The following DGLUCY variants were observed in gnomAD, a reference collection of about 807,000 sequenced individuals.
DGLUCY encodes D-glutamate cyclase.
DGLUCY carries 58 observed loss-of-function variants against 58.5 expected under a neutral mutation model. That is an observed-to-expected ratio of 0.99 (90% CI 0.80 to 1.23). The LOEUF is 1.23. Among genes scored for constraint, DGLUCY ranks in the 50% most tolerant of loss-of-function variants. DGLUCY has a pLI of 0.00. For missense variants in DGLUCY, 779 were observed against 784.7 expected (o/e 0.99, Z 0.09); for synonymous variants, 325 against 314.1 (o/e 1.03, Z -0.37).
chr14:91,219,897 C>T (rs1392304881), intron 13 of DGLUCY, among the ~76,000 whole-genome samples: 1 of 152,154 alleles, frequency 6.6e-6, no homozygotes, highest in Non-Finnish European at 1.5e-5. Flanking sequence ...GGCAGGGTGA[C>T]AGAGCTCTGG....
rs1033562156 is a variant in DGLUCY at position 91,206,060 on chromosome 14, G to A, written c.1564+1235G>A. ...TCACCATATTGGCCAGGCTGGTCTCGAACTCCTGCCTTCAAGTGATTTGCC... is the reference window on the plus strand; with the variant it reads ...TCACCATATTGGCCAGGCTGGTCTCAAACTCCTGCCTTCAAGTGATTTGCC... On this transcript the variant is annotated intron_variant, in intron 12 of 13. Transcript: ENST00000256324. Among the ~76,000 whole-genome samples, 7 of 151,678 alleles carry A rather than the reference G, an allele frequency of 4.6e-5. 1 individual carries two copies. The highest frequency in any genetic ancestry group is 9.7e-5 in the African/African-American group (4 of 41,364).
In DGLUCY at chr14:91,170,106, T is replaced by C. The variant is rs1339927170; in HGVS notation, c.361T>C (p.Phe121Leu). Residue 121 changes from phenylalanine (F) to leucine (L), a missense_variant, in exon 5 of 14, where the codon TTC (phenylalanine) becomes CTC (leucine). Coordinates refer to ENST00000256324, the MANE Select transcript of DGLUCY (RefSeq NM_001102368.3). ...SEQLKDMVAF[F>L]LGCSFSLEEA... is the part of the protein sequence containing the mutation. Reference sequence around the variant, plus strand: ...GCAGCTGAAGGACATGGTGGCCTTCTTCCTGGGCTGCAGCTTCTCCCTGGA... The same window carrying C: ...GCAGCTGAAGGACATGGTGGCCTTCCTCCTGGGCTGCAGCTTCTCCCTGGA... The C allele has an allele frequency of 6.2e-7, 1 of 1,613,010 alleles. No individual in the cohort carries two copies. Among genetic ancestry groups the C allele is most frequent in the African/African-American group, 1.3e-5 (1 of 74,914 alleles).
rs190739477 is a variant in DGLUCY at position 91,150,414 on chromosome 14, A to T, written c.-81-7225A>T. Among the ~76,000 whole-genome samples, 209 of 151,990 alleles carry T rather than the reference A, an allele frequency of 1.4e-3. 7 individuals are homozygous for T. The highest frequency in any genetic ancestry group is 0.013 in the Admixed American group (200 of 15,232). ...ACATTGAAAAATTGTTGCTTTTCACACCAACAATTTGAAACTAAACATTTA... is the reference window on the plus strand; with the variant it reads ...ACATTGAAAAATTGTTGCTTTTCACTCCAACAATTTGAAACTAAACATTTA... On this transcript the variant is annotated intron_variant, in intron 1 of 13. Coordinates refer to ENST00000256324, the MANE Select transcript of DGLUCY (RefSeq NM_001102368.3).
chr14:91,105,240 A>G (rs976128119), upstream of DGLUCY, among the ~76,000 whole-genome samples: 7 of 152,028 alleles, frequency 4.6e-5, no homozygotes, highest in African/African-American at 1.7e-4. Context: ...GCTTGAACCT[A>G]GGAGGTGAAC....
At chr14:91,091,337 A>G (rs1364921785) in intron 1 of DGLUCY, among the ~76,000 whole-genome samples, 1 of 152,056 alleles carries the variant, frequency 6.6e-6, no homozygotes, top group Non-Finnish European at 1.5e-5. Context: ...CCTGGGCAAC[A>G]TGGTAAAACC....
At position 91,119,281 on chromosome 14, in the gene DGLUCY, G is replaced by A. The variant is rs140149509; in HGVS notation, c.-82+4998G>A. ...CACCTTCTGTTCCTGCCTGTAGTGC[G>A]AAGAGGGGAGGAATTAGAGGGCAAA... On this transcript the variant is annotated intron_variant, in intron 1 of 13. Transcript: ENST00000256324. Among the ~76,000 whole-genome samples, 252 of 152,056 alleles carry A rather than the reference G, an allele frequency of 1.7e-3. 1 individual carries two copies. The Middle Eastern group carries it at 0.017, about 10-fold the overall frequency.
At chr14:91,126,948 A>G (rs2045722470) in intron 1 of DGLUCY, among the ~76,000 whole-genome samples, 2 of 151,630 alleles carry the variant, frequency 1.3e-5, no homozygotes, top group South Asian at 4.2e-4. Context: ...GGCCTTTTCC[A>G]CATAAACAAT....
rs1359100623 is a variant in DGLUCY at position 91,088,583 on chromosome 14, T to G, written c.-82+27879T>G. Among the ~76,000 whole-genome samples the G allele has an allele frequency of 4.6e-5, 7 of 152,310 alleles. No homozygotes were observed. The East Asian group carries it at 1.4e-3, about 29-fold the overall frequency. ...TGAGATTTCAGAGCCAGGGCAGAGCTTGTCCAAGGAAGAAAGTGCTTTCAG... is the reference window on the plus strand; with the variant it reads ...TGAGATTTCAGAGCCAGGGCAGAGCGTGTCCAAGGAAGAAAGTGCTTTCAG... On this transcript the variant is annotated intron_variant, in intron 1 of 4. Transcript: ENST00000521334.
At chr14:91,208,404 A>T (rs565156866) in intron 12 of DGLUCY, among the ~76,000 whole-genome samples, 1 of 152,198 alleles carries the variant, frequency 6.6e-6, no homozygotes, top group Non-Finnish European at 1.5e-5. Flanking sequence ...AGTGCATTCC[A>T]TTATGTATGC....
At chr14:91,199,040 T>C (rs2050392441) in intron 10 of DGLUCY, among the ~76,000 whole-genome samples, 1 of 152,144 alleles carries the variant, frequency 6.6e-6, no homozygotes, top group Admixed American at 6.6e-5. Context: ...CCCTTTTCCT[T>C]CTGTTTTGTG....
At chr14:91,075,746 G>A (rs982276304) in intron 1 of DGLUCY, among the ~76,000 whole-genome samples, 6 of 107,116 alleles carry the variant, frequency 5.6e-5, no homozygotes, top group African/African-American at 1.7e-4. Context: ...CACTAGCCCG[G>A]GTGGTTCATT....
chr14:91,157,976 G>A (rs530439984), intron 2 of DGLUCY, among the ~76,000 whole-genome samples: 96 of 152,320 alleles, frequency 6.3e-4, no homozygotes, highest in African/African-American at 2.2e-3. Flanking sequence ...AATGAGGGTG[G>A]GTGGAGGTAC....
chr14:91,124,120 G>A (rs1201942332), intron 1 of DGLUCY, among the ~76,000 whole-genome samples: 1 of 151,720 alleles, frequency 6.6e-6, no homozygotes, highest in African/African-American at 2.4e-5. Flanking sequence ...TAGTGACGGG[G>A]TTTCACCATG....
In DGLUCY at chr14:91,224,929, A is replaced by G; in HGVS notation, c.*96A>G. 7.3e-7 allele frequency: 1 copy of G among 1,363,818 alleles called. No individual in the cohort carries two copies. Among genetic ancestry groups the G allele is most frequent in the Non-Finnish European group, 9.8e-7 (1 of 1,024,004 alleles). 84.5% of individuals were successfully genotyped at this position (1,363,818 alleles called of 1,614,324 possible). A position where few individuals can be genotyped will look rare whatever the true frequency, so the allele number is the denominator to read the frequency against. On this transcript the variant is annotated 3_prime_UTR_variant, in exon 14 of 14. Coordinates refer to ENST00000256324, the MANE Select transcript of DGLUCY (RefSeq NM_001102368.3). ...TCTGGCGACAATCCTGCTAGTAAACACTGGTCTTCGGTGAGCAACGAACAC... is the reference window on the plus strand; with the variant it reads ...TCTGGCGACAATCCTGCTAGTAAACGCTGGTCTTCGGTGAGCAACGAACAC...
At chr14:91,067,128 G>A (rs929708779) in intron 1 of DGLUCY, among the ~76,000 whole-genome samples, 1 of 149,836 alleles carries the variant, frequency 6.7e-6, no homozygotes, top group Admixed American at 6.7e-5. Context: ...TGAGTAGATT[G>A]AGGAAGAACA....
chr14:91,164,683 G>A (rs2048176944), intron 3 of DGLUCY, among the ~76,000 whole-genome samples: 1 of 152,152 alleles, frequency 6.6e-6, no homozygotes, highest in Non-Finnish European at 1.5e-5. Context: ...TTCTCCCAAA[G>A]AGTCTCTCTC....
At chr14:91,155,094 A>G (rs531646339) in intron 1 of DGLUCY, among the ~76,000 whole-genome samples, 1 of 152,280 alleles carries the variant, frequency 6.6e-6, no homozygotes, top group Admixed American at 6.5e-5. Flanking sequence ...CTGAGTCCAC[A>G]GGCCCCGGAG....
chr14:91,077,439 G>A (rs1316580936), intron 1 of DGLUCY, among the ~76,000 whole-genome samples: 1 of 148,850 alleles, frequency 6.7e-6, no homozygotes, highest in Non-Finnish European at 1.5e-5. Flanking sequence ...AGGAAGGAAG[G>A]AAGAGAGAGA....
chr14:91,188,062 C>T (rs2049631310), intron 8 of DGLUCY, among the ~76,000 whole-genome samples: 1 of 152,106 alleles, frequency 6.6e-6, no homozygotes, highest in African/African-American at 2.4e-5. Flanking sequence ...GGATGCTTTG[C>T]TCAAATACAG....
Sources: allele counts gnomAD v4.1 joint callset (sites outside exome capture counted in the v4.1 genomes callset), GRCh38; gene constraint gnomAD v4.1.1; transcripts MANE v1.5; gene names NCBI Gene and HGNC (gene_info 2026-07-23, HGNC 2026-07-21).